Variants in OPCML observed in about 807,000 individuals in gnomAD.
The protein encoded by OPCML is opioid binding protein/cell adhesion molecule like.
Under a neutral mutation model 37.8 loss-of-function variants are expected in OPCML, and 13 were observed. The ratio of observed to expected loss-of-function variants is 0.34; its 90% CI spans 0.22 to 0.55. OPCML has a LOEUF of 0.55. OPCML is among the 20% of genes least tolerant of loss of function. The pLI is 0.91. For missense variants in OPCML, 341 were observed against 435.6 expected (o/e 0.78, Z 1.93); for synonymous variants, 176 against 168.8 (o/e 1.04, Z -0.33).
At position 132,840,073 on chromosome 11, in the gene OPCML, A is replaced by G. The variant is rs1248390345; in HGVS notation, c.146+102853T>C. Among the ~76,000 whole-genome samples the G allele has an allele frequency of 3.3e-5, 5 of 152,152 alleles. No individual in the cohort carries two copies. In the East Asian group the frequency reaches 5.8e-4, roughly 18 times the overall value. ...GAAAATGGGAGGCAAAAATAAAGAA[A>G]TGAGGACAGTGGAGGAAAAATACAT... On this transcript the variant is annotated intron_variant, in intron 2 of 7. Transcript: ENST00000524381.
At chr11:132,456,498 T>C (rs1592202533) in intron 4 of OPCML, among the ~76,000 whole-genome samples, 1 of 152,230 alleles carries the variant, frequency 6.6e-6, no homozygotes, top group African/African-American at 2.4e-5. Flanking sequence ...GTCTTGCTCA[T>C]TTCCAAGTGC....
At chr11:132,711,050 G>C (rs1327458382) in intron 2 of OPCML, among the ~76,000 whole-genome samples, 1 of 152,136 alleles carries the variant, frequency 6.6e-6, no homozygotes, top group Non-Finnish European at 1.5e-5. Flanking sequence ...GGAGACCAAC[G>C]CCAGTGACAG....
At chr11:132,551,715 G>A (rs539254213) in intron 3 of OPCML, among the ~76,000 whole-genome samples, 4 of 152,128 alleles carry the variant, frequency 2.6e-5, no homozygotes, top group East Asian at 1.9e-4. Flanking sequence ...TTTCATCTTC[G>A]ACACAATTTG....
intron 3 of OPCML, among the ~76,000 whole-genome samples, chr11:132,598,555 C>T (rs1417080278): frequency 6.6e-6 from 1 of 152,118 alleles, no homozygotes; most frequent in African/African-American, 2.4e-5. Context: ...GTTCTTAGCA[C>T]TGCTAAGAAA....
chr11:133,098,631 G>A (rs1215692878), intron 1 of OPCML, among the ~76,000 whole-genome samples: 1 of 152,110 alleles, frequency 6.6e-6, no homozygotes, highest in Non-Finnish European at 1.5e-5. Context: ...ACCCATTCAT[G>A]ATAAAATCTC....
At chr11:133,158,225 C>T (rs976931287) in intron 1 of OPCML, among the ~76,000 whole-genome samples, 3 of 152,076 alleles carry the variant, frequency 2.0e-5, no homozygotes, top group Non-Finnish European at 2.9e-5. Context: ...CTTCCCGTAC[C>T]GATTCCTGAA....
chr11:132,985,506 GA>G (rs900100147), intron 1 of OPCML, among the ~76,000 whole-genome samples: 2 of 152,138 alleles, frequency 1.3e-5, no homozygotes, highest in African/African-American at 4.8e-5. Context: ...GCCAGCAAAA[GA>G]AAGCACAGTC....
At chr11:133,191,620 A>G (rs1189579362) in intron 1 of OPCML, among the ~76,000 whole-genome samples, 1 of 151,412 alleles carries the variant, frequency 6.6e-6, no homozygotes, top group Non-Finnish European at 1.5e-5. Context: ...CTGCCTCTTC[A>G]GTAGCTGGGA....
rs567979365 is a variant in OPCML, at chr11:133,469,731, C to T, written c.61+62533G>A. On this transcript the variant is annotated intron_variant, in intron 1 of 7. Transcript: ENST00000524381. ...AAGCCTGCAATGCCCTCATCTCCAA[C>T]ACAGAAGTTCTCCTCAAGTGCTCCT... Among the ~76,000 whole-genome samples, 28 of 152,312 alleles carry T rather than the reference C, an allele frequency of 1.8e-4. No individual in the cohort carries two copies. The South Asian group carries it at 2.1e-3, about 11-fold the overall frequency.
chr11:133,043,783 A>G lies in OPCML; in HGVS notation c.62-100773T>C, dbSNP rs781721525. On this transcript the variant is annotated intron_variant, in intron 1 of 7. Transcript: ENST00000524381. ...GAAACATAACGAGATAAAGCCAGAC[A>G]AATCGTTCATAGCAGATAGATCTCA... is the stretch of plus-strand genomic sequence containing the variant. Among the ~76,000 whole-genome samples the G allele has an allele frequency of 1.4e-3, 213 of 152,358 alleles. 9 individuals are homozygous for G. The highest frequency in any genetic ancestry group is 6.8e-3 in the Middle Eastern group (2 of 294).
chr11:132,647,499 A>C (rs942060537), intron 3 of OPCML, among the ~76,000 whole-genome samples: 1 of 152,252 alleles, frequency 6.6e-6, no homozygotes, highest in Non-Finnish European at 1.5e-5. Flanking sequence ...AATATGAAAC[A>C]GTTGATTAAT....
intron 2 of OPCML, among the ~76,000 whole-genome samples, chr11:132,820,895 T>C (rs1281449926): frequency 2.0e-5 from 3 of 152,196 alleles, no homozygotes; most frequent in Non-Finnish European, 2.9e-5. Context: ...GGCCTTATTA[T>C]AGATACATAG....
chr11:132,598,577 A>G (rs1023266237), intron 3 of OPCML, among the ~76,000 whole-genome samples: 1 of 152,192 alleles, frequency 6.6e-6, no homozygotes, highest in Admixed American at 6.5e-5. Flanking sequence ...TTTCATCAAC[A>G]CTGTGTAATA....
intron 1 of OPCML, among the ~76,000 whole-genome samples, chr11:133,242,817 T>G (rs1021040919): frequency 6.6e-5 from 10 of 152,192 alleles, no homozygotes; most frequent in African/African-American, 2.2e-4. Context: ...ACTAGCCGAG[T>G]GCAGCTGAGG....
chr11:133,527,949 C>T (rs932069143), intron 1 of OPCML, among the ~76,000 whole-genome samples: 1 of 152,202 alleles, frequency 6.6e-6, no homozygotes, highest in African/African-American at 2.4e-5. Context: ...AGAGATAGTT[C>T]CCAGTAGCTG....
At chr11:132,716,081 C>T (rs963319987) in intron 2 of OPCML, among the ~76,000 whole-genome samples, 1 of 152,158 alleles carries the variant, frequency 6.6e-6, no homozygotes, top group African/African-American at 2.4e-5. Context: ...AATTTATCAC[C>T]AAAGGAAAGA....
At chr11:132,600,966 C>T (rs1281927271) in intron 3 of OPCML, among the ~76,000 whole-genome samples, 3 of 149,114 alleles carry the variant, frequency 2.0e-5, no homozygotes, top group South Asian at 2.1e-4. Flanking sequence ...GCTGGGATTA[C>T]AGGCGTAAGC....
At chr11:132,790,572 A>T (rs1213814690) in intron 2 of OPCML, among the ~76,000 whole-genome samples, 3 of 152,206 alleles carry the variant, frequency 2.0e-5, no homozygotes, top group Non-Finnish European at 4.4e-5. Context: ...GATTCTCAAG[A>T]CTGTCTCAGT....
chr11:132,982,815 A>G (rs1591877652), intron 1 of OPCML, among the ~76,000 whole-genome samples: 1 of 152,198 alleles, frequency 6.6e-6, no homozygotes, highest in Non-Finnish European at 1.5e-5. Context: ...CCACTGGTCA[A>G]CTTTAATAAG....
Sources: gnomAD v4.1 joint callset for allele counts (sites outside exome capture counted in the v4.1 genomes callset) on GRCh38, gnomAD v4.1.1 for gene constraint, MANE v1.5 for transcripts, NCBI Gene and HGNC (gene_info 2026-07-23, HGNC 2026-07-21) for gene names.